Variants in WDFY4 observed in about 807,000 individuals in gnomAD.
The protein encoded by WDFY4 is WDFY family member 4, also known as WD repeat- and FYVE domain-containing protein 4.
A neutral mutation model predicts 351.9 loss-of-function variants in WDFY4; 169 were observed. The observed-to-expected ratio is 0.48, with a 90% CI of 0.42 to 0.55. The LOEUF is 0.55. Ranked by LOEUF, WDFY4 falls within the 20% of genes least tolerant of loss-of-function variation. WDFY4 has a pLI of 0.00. For synonymous variants in WDFY4, 1,622 were observed against 1,574.6 expected (o/e 1.03, Z -0.71); for missense variants, 3,803 against 3,935.6 (o/e 0.97, Z 0.90).
intron 6 of WDFY4, 110 bp downstream of exon 6, chr10:48,726,180 C>A: frequency 1.6e-6 from 2 of 1,267,644 alleles, no homozygotes; most frequent in Non-Finnish European, 2.1e-6. Flanking sequence ...GATGCTCTTG[C>A]AGCCTCTTAT....
At chr10:48,836,981 G>A (rs919536111) in intron 39 of WDFY4, among the ~76,000 whole-genome samples, 2 of 152,072 alleles carry the variant, frequency 1.3e-5, no homozygotes, top group African/African-American at 4.8e-5. Context: ...AACAAGCAAT[G>A]TTGGTTTCTT....
intron 12 of WDFY4, among the ~76,000 whole-genome samples, chr10:48,750,952 G>A (rs914995196): frequency 2.0e-5 from 3 of 152,228 alleles, no homozygotes; most frequent in African/African-American, 4.8e-5. Flanking sequence ...TGAGAAGATG[G>A]ACAGGACAGG....
chr10:48,951,160 C>T lies in WDFY4; in HGVS notation c.7977+4191C>T, dbSNP rs901734614. Among the ~76,000 whole-genome samples the T allele has an allele frequency of 6.3e-4, 96 of 152,350 alleles. 1 individual carries two copies. In the Middle Eastern group the frequency reaches 0.014, roughly 22 times the overall value. On this transcript the variant is annotated intron_variant, in intron 51 of 61. Coordinates refer to ENST00000325239, the MANE Select transcript of WDFY4 (RefSeq NM_001394531.1). Reference sequence around the variant, plus strand: ...GTTTGAGCTGGTCTTATAATTGACACATACTTATATCCTTGCTGTGTTTGT... The same window carrying T: ...GTTTGAGCTGGTCTTATAATTGACATATACTTATATCCTTGCTGTGTTTGT...
intron 47 of WDFY4, among the ~76,000 whole-genome samples, chr10:48,925,114 G>T (rs1430722436): frequency 6.6e-6 from 1 of 152,178 alleles, no homozygotes; most frequent in Non-Finnish European, 1.5e-5. Context: ...AAAAGGAAAT[G>T]ATGCAAACTT....
chr10:48,757,129 C>T (rs1200944928), intron 12 of WDFY4, among the ~76,000 whole-genome samples: 1 of 152,058 alleles, frequency 6.6e-6, no homozygotes, highest in African/African-American at 2.4e-5. Flanking sequence ...ATGATTTAGG[C>T]AACTTATTTC....
At position 48,873,516 on chromosome 10, in the gene WDFY4, C is replaced by T; in HGVS notation, c.6767C>T (p.Ala2256Val). The change falls in exon 41 of 62, where the codon GCA becomes GTA. Residue 2256 changes from alanine (A) to valine (V), a missense_variant. Physicochemically the swap from Ala to Val is moderately conservative, Grantham distance 64 (BLOSUM62 0). This residue lies in a region of WDFY4 where 3,054 missense variants were observed against 3,148.6 expected (regional missense o/e 0.97). Transcript: ENST00000325239. ...VQRRKCGNIK[A>V]ANAWARIQEQ... ...AGGCGAAAATGTGGCAACATCAAGG[C>T]AGCCAACGCCTGGGCCAGGATCCAG... 1 of 1,550,870 alleles carries T rather than the reference C, an allele frequency of 6.4e-7. No individual in the cohort carries two copies. The highest frequency in any genetic ancestry group is 2.4e-5 in the East Asian group (1 of 40,914).
At chr10:48,793,405 G>C (rs890756027) in intron 23 of WDFY4, among the ~76,000 whole-genome samples, 1 of 152,222 alleles carries the variant, frequency 6.6e-6, no homozygotes, top group African/African-American at 2.4e-5. Flanking sequence ...TGTCTTTGGG[G>C]AAAATCAGAA....
intron 1 of WDFY4, among the ~76,000 whole-genome samples, chr10:48,693,231 C>A (rs962856769): frequency 6.6e-6 from 1 of 152,130 alleles, no homozygotes; most frequent in African/African-American, 2.4e-5. Flanking sequence ...GAGGGACATG[C>A]TGGAGTTGTG....
At chr10:48,806,134 C>G in intron 27 of WDFY4, 39 bp downstream of exon 27, 3 of 1,542,178 alleles carry the variant, frequency 1.9e-6, no homozygotes, top group Non-Finnish European at 2.6e-6. Flanking sequence ...AGTAGGACGG[C>G]CCTCACGGAA....
chr10:48,775,875 A>G, intron 15 of WDFY4, 69 bp downstream of exon 15: 1 of 1,383,024 alleles, frequency 7.2e-7, no homozygotes, highest in South Asian at 1.2e-5. Context: ...CTGCTGAGGG[A>G]TCCTTTACAA....
chr10:48,768,721 A>AG (rs1194475081), intron 13 of WDFY4, among the ~76,000 whole-genome samples: 202 of 95,856 alleles, frequency 2.1e-3, no homozygotes, highest in African/African-American at 7.8e-3. Context: ...GTGGGAGAGG[A>AG]GAAGAGAGAG....
rs2066733388 is a variant in WDFY4, at chr10:48,792,977, C to T, written c.4257+2060C>T. On this transcript the variant is annotated intron_variant, in intron 23 of 61. Coordinates refer to ENST00000325239, the MANE Select transcript of WDFY4 (RefSeq NM_001394531.1). ...CAGAGGTACATAGCGCCTGCTGTCA[C>T]ATGTAGGTAGAGGGGTCAAAAAGGG... 2.0e-5 allele frequency among the ~76,000 whole-genome samples: 3 copies of T among 152,272 alleles called. No individual in the cohort carries two copies. The South Asian group carries it at 6.2e-4, about 32-fold the overall frequency.
chr10:48,733,240 T>C (rs1331856048), intron 9 of WDFY4, among the ~76,000 whole-genome samples: 1 of 152,226 alleles, frequency 6.6e-6, no homozygotes, highest in Non-Finnish European at 1.5e-5. Flanking sequence ...TACTTTCTAT[T>C]GTTAAATGTG....
At chr10:48,811,498 G>C (rs769017971) in intron 29 of WDFY4, 41 bp from the exon 30 acceptor site, 37 of 1,543,756 alleles carry the variant, frequency 2.4e-5, no homozygotes, top group Non-Finnish European at 3.2e-5. Flanking sequence ...ACCAGCAGCT[G>C]TTCTCAGCTG....
At chr10:48,750,587 T>C (rs989672293) in intron 12 of WDFY4, among the ~76,000 whole-genome samples, 1 of 152,234 alleles carries the variant, frequency 6.6e-6, no homozygotes, top group African/African-American at 2.4e-5. Context: ...CTGCCTCACA[T>C]TTCCTCAGCA....
chr10:48,824,200 A>G, intron 35 of WDFY4: 1 of 985,368 alleles, frequency 1.0e-6, no homozygotes, highest in Non-Finnish European at 1.2e-6. Flanking sequence ...GCGTGGCTTA[A>G]GTGTCCAGTG....
chr10:48,715,986 C>G (rs7073067), intron 2 of WDFY4, among the ~76,000 whole-genome samples: 138,863 of 152,048 alleles, frequency 0.91, 64,700 homozygotes, highest in Non-Finnish European at 1. Context: ...CCTGAGGGGA[C>G]AGTAAGGGTA....
intron 32 of WDFY4, among the ~76,000 whole-genome samples, chr10:48,818,053 TA>T (rs1170634784): frequency 6.6e-6 from 1 of 152,120 alleles, no homozygotes; most frequent in African/African-American, 2.4e-5. Flanking sequence ...TCAGGTAGGC[TA>T]AGACCTCCTG....
In WDFY4 at chr10:48,957,485, G is replaced by A. The variant is rs867990458; in HGVS notation, c.8131+203G>A. Reference sequence around the variant, plus strand: ...GCGCTGGCCCCAGGCTGCCAGGACAGTGCTGAGCCACCACCCGACCTGCGA... The same window carrying A: ...GCGCTGGCCCCAGGCTGCCAGGACAATGCTGAGCCACCACCCGACCTGCGA... On this transcript the variant is annotated intron_variant, in intron 52 of 61. Coordinates refer to ENST00000325239, the MANE Select transcript of WDFY4 (RefSeq NM_001394531.1). Among the ~76,000 whole-genome samples the A allele has an allele frequency of 3.9e-5, 6 of 152,340 alleles. No homozygotes were observed. The South Asian group carries it at 1.2e-3, about 32-fold the overall frequency.
Sources: allele counts gnomAD v4.1 joint callset (sites outside exome capture counted in the v4.1 genomes callset), GRCh38; gene constraint gnomAD v4.1.1; regional missense constraint gnomAD v4.1.1; transcripts MANE v1.5; gene names NCBI Gene and HGNC (gene_info 2026-07-23, HGNC 2026-07-21).